DCAF6: variants seen among roughly 807,000 people sequenced by gnomAD.
DCAF6 encodes the protein DDB1 and CUL4 associated factor 6, also known as DDB1- and CUL4-associated factor 6.
A neutral mutation model predicts 125.1 loss-of-function variants in DCAF6; 54 were observed. That is an observed-to-expected ratio of 0.43 (90% confidence interval 0.35 to 0.54). The LOEUF is 0.54. DCAF6 is among the 20% of genes least tolerant of loss of function. The pLI is 0.01. For synonymous variants in DCAF6, 371 were observed against 390.4 expected, an observed-to-expected ratio of 0.95 and a Z score of 0.58; for missense variants, 934 against 1,161.7, an observed-to-expected ratio of 0.80 and a Z score of 2.85.
chr1:167,968,811 A>G (rs916690229), intron 3 of DCAF6, among the ~76,000 whole-genome samples: 9 of 152,262 alleles, frequency 5.9e-5, no homozygotes, highest in African/African-American at 2.2e-4. Flanking sequence ...CTGGCAAAGG[A>G]AAAATATTTG....
At position 168,004,760 on chromosome 1, in the gene DCAF6, G is replaced by C. The variant is rs768215355; in HGVS notation, c.1345G>C (p.Glu449Gln). Residue 449 changes from glutamate to glutamine, a missense_variant, in exon 10 of 22, where the codon GAG (glutamate) becomes CAG (glutamine). By Grantham distance (29) the Glu-to-Gln change is conservative. Around this residue, in one of 5 missense-constraint regions of DCAF6, gnomAD observed 559 missense variants for 635.5 expected, o/e 0.88. Coordinates refer to ENST00000367840, the MANE Select transcript of DCAF6 (RefSeq NM_001198956.2). ...SPDSEQRQSV[E>Q]ASGHHTHHQS... ...AGACAGTGAACAAAGGCAGTCTGTT[G>C]AGGCATCTGGACACCACACACATCA... is the stretch of plus-strand genomic sequence containing the variant. The C allele has an allele frequency of 1.5e-5, 24 of 1,613,896 alleles. No individual in the cohort carries two copies. The highest frequency in any genetic ancestry group is 1.9e-5 in the Non-Finnish European group (22 of 1,179,874).
intron 2 of DCAF6, among the ~76,000 whole-genome samples, chr1:167,953,622 A>G (rs1674319053): frequency 6.6e-6 from 1 of 152,198 alleles, no homozygotes. Flanking sequence ...ATTCTTTGAT[A>G]TGGGGTCTTG....
At chr1:168,056,614 G>C (rs1690888960) in intron 17 of DCAF6, among the ~76,000 whole-genome samples, 1 of 152,202 alleles carries the variant, frequency 6.6e-6, no homozygotes, top group Admixed American at 6.5e-5. Context: ...TCTACAATGT[G>C]GTCACAAAAT....
the DCAF6 span, chr1:167,918,170 G>C: frequency 1.8e-6 from 1 of 567,962 alleles, no homozygotes; most frequent in South Asian, 2.6e-5. Context: ...GTTATTAAAA[G>C]TTTGCTGCAT....
chr1:168,072,774 T>C (rs1291675450), intron 21 of DCAF6, among the ~76,000 whole-genome samples: 1 of 152,228 alleles, frequency 6.6e-6, no homozygotes, highest in African/African-American at 2.4e-5. Flanking sequence ...CAGTGTTTTT[T>C]GTGAAACACA....
chr1:168,071,526 T>G (rs1693028158), intron 21 of DCAF6, among the ~76,000 whole-genome samples: 1 of 152,124 alleles, frequency 6.6e-6, no homozygotes, highest in Non-Finnish European at 1.5e-5. Context: ...CCCAGCTACT[T>G]GGGAGGCTGA....
the DCAF6 span, chr1:167,878,568 G>C: frequency 2.5e-6 from 4 of 1,614,170 alleles, no homozygotes; most frequent in Non-Finnish European, 3.4e-6. Flanking sequence ...AGGTGACAGA[G>C]TCGCAGGTCA....
chr1:167,863,957 G>C, the DCAF6 span, among the ~76,000 whole-genome samples: 1 of 152,022 alleles, frequency 6.6e-6, no homozygotes, highest in African/African-American at 2.4e-5. Flanking sequence ...TTACTTGACA[G>C]GACTGGTCTT....
intron 3 of DCAF6, among the ~76,000 whole-genome samples, chr1:167,970,577 G>A (rs965260614): frequency 1.3e-5 from 2 of 151,814 alleles, no homozygotes; most frequent in Non-Finnish European, 2.9e-5. Flanking sequence ...GAGCCCAGGC[G>A]TTCCACCACT....
chr1:167,880,026 C>T, the DCAF6 span: 1 of 1,097,920 alleles, frequency 9.1e-7, no homozygotes, highest in Non-Finnish European at 1.4e-6. Flanking sequence ...GCTCATGTCT[C>T]ACTCATTTTT....
chr1:167,981,117 G>A (rs1679062314), intron 4 of DCAF6, among the ~76,000 whole-genome samples: 1 of 151,910 alleles, frequency 6.6e-6, no homozygotes, highest in Admixed American at 6.6e-5. Context: ...GTGTTGCCCA[G>A]TCTGGTCTCA....
At chr1:168,048,570 G>A (rs543049073) in intron 16 of DCAF6, among the ~76,000 whole-genome samples, 258 of 152,272 alleles carry the variant, frequency 1.7e-3, no homozygotes, top group Middle Eastern at 6.8e-3. Context: ...CTTTTGGGCT[G>A]AGATCAAGCA....
chr1:167,936,491 C>T (rs1671228007), upstream of DCAF6: 3 of 210,412 alleles, frequency 1.4e-5, no homozygotes, highest in African/African-American at 7.2e-5. Context: ...TTAGAGTGGC[C>T]CGAATGCATT....
the DCAF6 span, among the ~76,000 whole-genome samples, chr1:167,887,713 A>G: frequency 6.6e-6 from 1 of 151,664 alleles, no homozygotes; most frequent in Admixed American, 6.6e-5. Flanking sequence ...AAATAAATAA[A>G]TATAAAAATA....
intron 16 of DCAF6, among the ~76,000 whole-genome samples, chr1:168,049,268 G>A (rs1199209325): frequency 2.0e-5 from 3 of 151,778 alleles, no homozygotes; most frequent in Admixed American, 6.6e-5. Context: ...TTTGAGACAG[G>A]GTCTTGCCCT....
intron 12 of DCAF6, among the ~76,000 whole-genome samples, chr1:168,034,125 T>G (rs950927362): frequency 2.0e-5 from 3 of 152,252 alleles, no homozygotes; most frequent in Admixed American, 2.0e-4. Context: ...ACAATTGATA[T>G]TTCTTAATTA....
At chr1:167,918,992 C>A in the DCAF6 span, among the ~76,000 whole-genome samples, 1 of 152,088 alleles carries the variant, frequency 6.6e-6, no homozygotes, top group African/African-American at 2.4e-5. Context: ...AAGAACGTGA[C>A]AAACTTGTGA....
intron 2 of DCAF6, among the ~76,000 whole-genome samples, chr1:167,962,469 T>C (rs1169025512): frequency 1.3e-5 from 2 of 152,216 alleles, no homozygotes; most frequent in Non-Finnish European, 2.9e-5. Context: ...TCCCTGATAA[T>C]TTTTCTTGCT....
chr1:168,012,398 A>G (rs1427188936), intron 10 of DCAF6, among the ~76,000 whole-genome samples: 2 of 152,224 alleles, frequency 1.3e-5, no homozygotes, highest in African/African-American at 4.8e-5. Context: ...ATGACAAAGT[A>G]CAATTTTCCT....
Sources: allele counts gnomAD v4.1 joint callset (sites outside exome capture counted in the v4.1 genomes callset), GRCh38; gene constraint gnomAD v4.1.1; regional missense constraint gnomAD v4.1.1; transcripts MANE v1.5; gene names NCBI Gene and HGNC (gene_info 2026-07-23, HGNC 2026-07-21).